KCNMB2: variants seen among roughly 807,000 people sequenced by gnomAD.
The protein encoded by KCNMB2 is calcium-activated potassium channel subunit beta-2.
In KCNMB2, 9 loss-of-function variants were observed where a neutral mutation model predicts 24.5. The ratio of observed to expected loss-of-function variants is 0.37; its 90% confidence interval spans 0.22 to 0.64. The LOEUF is 0.64. Among genes scored for constraint, KCNMB2 ranks in the 30% least tolerant of loss-of-function variants. The probability of loss-of-function intolerance (pLI) is 0.63; values close to 1 mark genes in which losing one functional copy is unlikely to be tolerated. For synonymous variants in KCNMB2, 109 were observed against 104.4 expected (o/e 1.04, Z -0.27); for missense variants, 226 against 284.3 (o/e 0.79, Z 1.47).
chr3:178,720,842 T>C (rs1397390146), intron 1 of KCNMB2, among the ~76,000 whole-genome samples: 1 of 151,190 alleles, frequency 6.6e-6, no homozygotes, highest in Non-Finnish European at 1.5e-5. Context: ...GTTTTTTTCT[T>C]GTAAATTTGT....
intron 1 of KCNMB2, among the ~76,000 whole-genome samples, chr3:178,545,508 T>C (rs1715744762): frequency 6.6e-6 from 1 of 152,218 alleles, no homozygotes; most frequent in African/African-American, 2.4e-5. Flanking sequence ...AATGCAAATC[T>C]AGAATCTTTC....
At chr3:178,699,916 CAAGA>C (rs763445931) in intron 1 of KCNMB2, among the ~76,000 whole-genome samples, 1 of 152,202 alleles carries the variant, frequency 6.6e-6, no homozygotes, top group Non-Finnish European at 1.5e-5. Context: ...AGGCCTGTGG[CAAGA>C]AAGAGTTTCT....
intron 1 of KCNMB2, among the ~76,000 whole-genome samples, chr3:178,568,757 A>T (rs1166457302): frequency 2.0e-5 from 3 of 148,390 alleles, no homozygotes; most frequent in Admixed American, 6.7e-5. Flanking sequence ...AGATAGATAG[A>T]TGATAGATAG....
chr3:178,781,435 T>C (rs1053345993), intron 1 of KCNMB2, among the ~76,000 whole-genome samples: 1 of 151,644 alleles, frequency 6.6e-6, no homozygotes, highest in Admixed American at 6.6e-5. Flanking sequence ...CTACTAAAAA[T>C]ACAAAAATCA....
intron 1 of KCNMB2, among the ~76,000 whole-genome samples, chr3:178,651,008 G>A (rs568383952): frequency 6.2e-4 from 94 of 152,240 alleles, no homozygotes; most frequent in Non-Finnish European, 9.9e-4. Context: ...TCAAGACAAC[G>A]ATGCCCTCTC....
chr3:178,692,230 A>T lies in KCNMB2; in HGVS notation c.-67-115113A>T, dbSNP rs538951528. ...CTGATGATAGTTTCTTTTGCTGTACAGAAGCTCTTTAATTTAATTAGATCT... is the reference window on the plus strand; with the variant it reads ...CTGATGATAGTTTCTTTTGCTGTACTGAAGCTCTTTAATTTAATTAGATCT... On this transcript the variant is annotated intron_variant, in intron 1 of 4. Transcript: ENST00000452583. Among the ~76,000 whole-genome samples, 3 of 152,338 alleles carry T rather than the reference A, an allele frequency of 2.0e-5. No homozygotes were observed. The South Asian group carries it at 6.2e-4, about 32-fold the overall frequency.
intron 4 of KCNMB2, among the ~76,000 whole-genome samples, chr3:178,838,470 G>A (rs1308805623): frequency 6.6e-6 from 1 of 151,726 alleles, no homozygotes; most frequent in African/African-American, 2.4e-5. Flanking sequence ...CACATTAAAC[G>A]TGGTTTACGA....
intron 1 of KCNMB2, among the ~76,000 whole-genome samples, chr3:178,744,860 C>T (rs1426002192): frequency 1.3e-5 from 2 of 152,200 alleles, no homozygotes; most frequent in Admixed American, 6.5e-5. Flanking sequence ...TATTTGCCTG[C>T]TCTACATTCT....
At chr3:178,597,320 T>A (rs986956096) in intron 1 of KCNMB2, among the ~76,000 whole-genome samples, 5 of 152,160 alleles carry the variant, frequency 3.3e-5, no homozygotes, top group Admixed American at 1.3e-4. Context: ...AATGTACAGC[T>A]CAATAACCAT....
At chr3:178,776,459 T>A (rs1023514900) in intron 1 of KCNMB2, among the ~76,000 whole-genome samples, 13 of 152,206 alleles carry the variant, frequency 8.5e-5, no homozygotes, top group Non-Finnish European at 1.8e-4. Context: ...ATCCTCAACA[T>A]TACCTTCACA....
intron 1 of KCNMB2, among the ~76,000 whole-genome samples, chr3:178,806,076 C>T (rs1713955960): frequency 6.6e-6 from 1 of 152,178 alleles, no homozygotes. Context: ...CTGCAGTGAG[C>T]TATGACTGCG....
At chr3:178,700,885 A>C (rs1387726324) in intron 1 of KCNMB2, among the ~76,000 whole-genome samples, 4 of 152,044 alleles carry the variant, frequency 2.6e-5, no homozygotes, top group African/African-American at 9.7e-5. Flanking sequence ...GATTGCAAAA[A>C]TTTTCTCCCA....
intron 1 of KCNMB2, among the ~76,000 whole-genome samples, chr3:178,759,350 TATATATATATATCTCCAAGAGG>T: frequency 1.3e-5 from 1 of 76,796 alleles, no homozygotes; most frequent in African/African-American, 7.3e-5. Flanking sequence ...AGAGGATATA[TATATATATATATCTCCAAGAGG>T]ATATATATAT....
At chr3:178,672,416 C>G (rs976844096) in intron 1 of KCNMB2, among the ~76,000 whole-genome samples, 3 of 152,146 alleles carry the variant, frequency 2.0e-5, no homozygotes, top group Admixed American at 6.5e-5. Context: ...GTGTTCTCAA[C>G]CACTGTAAGT....
intron 2 of KCNMB2, among the ~76,000 whole-genome samples, chr3:178,819,666 A>G (rs1239357104): frequency 1.3e-5 from 2 of 152,176 alleles, no homozygotes; most frequent in African/African-American, 2.4e-5. Flanking sequence ...TATTCTTACC[A>G]TAACCTTTAT....
chr3:178,695,653 CCAA>C (rs1341174224), intron 1 of KCNMB2, among the ~76,000 whole-genome samples: 3 of 152,146 alleles, frequency 2.0e-5, no homozygotes, highest in Admixed American at 2.0e-4. Flanking sequence ...ATTCCAGTTC[CCAA>C]CAAGTTCCTC....
At chr3:178,742,680 T>G (rs1390114144) in intron 1 of KCNMB2, among the ~76,000 whole-genome samples, 1 of 152,112 alleles carries the variant, frequency 6.6e-6, no homozygotes, top group African/African-American at 2.4e-5. Flanking sequence ...CGGAGACCCC[T>G]TGTCAAAAAA....
At chr3:178,772,609 G>A (rs1360381154) in intron 1 of KCNMB2, among the ~76,000 whole-genome samples, 1 of 152,158 alleles carries the variant, frequency 6.6e-6, no homozygotes, top group Non-Finnish European at 1.5e-5. Flanking sequence ...AAATTACCCA[G>A]TCTCAGGTAT....
intron 1 of KCNMB2, among the ~76,000 whole-genome samples, chr3:178,749,697 G>T (rs1484397616): frequency 6.6e-6 from 1 of 152,160 alleles, no homozygotes; most frequent in African/African-American, 2.4e-5. Flanking sequence ...AATACACTTG[G>T]ATAATTAACT....
Sources: allele counts gnomAD v4.1 joint callset (sites outside exome capture counted in the v4.1 genomes callset), GRCh38; gene constraint gnomAD v4.1.1; transcripts MANE v1.5; gene names NCBI Gene and HGNC (gene_info 2026-07-23, HGNC 2026-07-21).